BMP2: variants seen among roughly 807,000 people sequenced by gnomAD.
BMP2 encodes the protein bone morphogenetic protein 2A.
BMP2 carries 2 observed loss-of-function variants against 28.8 expected under a neutral mutation model. The observed-to-expected ratio is 0.07, with a 90% confidence interval of 0.03 to 0.22. The LOEUF (loss-of-function observed/expected upper bound fraction) is 0.22. Among genes scored for constraint, BMP2 ranks in the 10% least tolerant of loss-of-function variants. BMP2 has a pLI of 1.00. For missense variants in BMP2, 437 were observed against 517.7 expected (o/e 0.84, Z 1.51); for synonymous variants, 218 against 204.3 (o/e 1.07, Z -0.57).
chr20:6,779,056 G>C lies in BMP2; in HGVS notation c.1158G>C (p.Gln386His), dbSNP rs1025763206. The part of the protein sequence containing the change: ...ENEKVVLKNY[Q>H]DMVVEGCGCR ...AAAAGGTTGTATTAAAGAACTATCA[G>C]GACATGGTTGTGGAGGGTTGTGGGT... The change falls in exon 3 of 3, where the codon CAG becomes CAC. Residue 386 changes from glutamine (Q) to histidine (H), a missense_variant. Around this residue, in one of 2 missense-constraint regions of BMP2, gnomAD observed 74 missense variants for 124.9 expected, o/e 0.59. Transcript: ENST00000378827. The C allele has an allele frequency of 6.2e-7, 1 of 1,611,314 alleles. No individual in the cohort carries two copies.
chr20:6,777,331 C>T (rs1202515645), intron 2 of BMP2, among the ~76,000 whole-genome samples: 1 of 152,050 alleles, frequency 6.6e-6, no homozygotes, highest in Non-Finnish European at 1.5e-5. Flanking sequence ...AGATCATAAT[C>T]ATATTTTTGT....
In BMP2 at chr20:6,779,654, C is replaced by G. The variant is rs1348837889; in HGVS notation, c.*565C>G. Reference sequence around the variant, plus strand: ...GTGGATAATCCACTCTGCTGACTTTCAAGATTATTATATTATTCAATTCTC... The same window carrying G: ...GTGGATAATCCACTCTGCTGACTTTGAAGATTATTATATTATTCAATTCTC... On this transcript the variant is annotated 3_prime_UTR_variant, in exon 3 of 3. Transcript: ENST00000378827. The G allele has an allele frequency of 2.0e-5, 3 of 152,582 alleles. No individual in the cohort carries two copies. Among genetic ancestry groups the G allele is most frequent in the African/African-American group, 7.2e-5 (3 of 41,430 alleles). 9.5% of individuals were successfully genotyped at this position (152,582 alleles called of 1,614,324 possible). A position where few individuals can be genotyped will look rare whatever the true frequency, so the allele number is the denominator to read the frequency against.
intron 2 of BMP2, among the ~76,000 whole-genome samples, chr20:6,776,928 C>T (rs1008172729): frequency 6.6e-6 from 1 of 152,246 alleles, no homozygotes; most frequent in Non-Finnish European, 1.5e-5. Context: ...AACATAGTCT[C>T]TTCTTATGAT....
chr20:6,774,512 T>G (rs1463637799), intron 2 of BMP2, among the ~76,000 whole-genome samples: 1 of 151,988 alleles, frequency 6.6e-6, no homozygotes, highest in Non-Finnish European at 1.5e-5. Flanking sequence ...GGCAACAGAG[T>G]GAGACCCTGT....
intron 1 of BMP2, among the ~76,000 whole-genome samples, chr20:6,769,612 G>GGGGT (rs367780897): frequency 1.4e-4 from 19 of 139,998 alleles, no homozygotes; most frequent in South Asian, 4.7e-4. Context: ...AAGCTATAAG[G>GGGGT]GTGTGTGTGT....
In BMP2 at chr20:6,778,770, G is replaced by A. The variant is rs765038230; in HGVS notation, c.872G>A (p.Arg291His). ...KRQAKHKQRKRLKSSCKRHPL... is the reference protein window; with the variant it reads ...KRQAKHKQRKHLKSSCKRHPL... ...CAAGCCAAACACAAACAGCGGAAAC[G>A]CCTTAAGTCCAGCTGTAAGAGACAC... The change falls in exon 3 of 3, where the codon CGC becomes CAC. Residue 291 changes from arginine (R) to histidine (H), a missense_variant. Physicochemically the swap from Arg to His is conservative, Grantham distance 29. This residue lies in a region of BMP2 where 363 missense variants were observed against 392.8 expected (regional missense o/e 0.92). Coordinates refer to ENST00000378827, the MANE Select transcript of BMP2 (RefSeq NM_001200.4). The surrounding 1 kb of genome is among the most constrained non-coding windows in gnomAD (Gnocchi z 5.0). 26 of 1,614,060 alleles carry A rather than the reference G, an allele frequency of 1.6e-5. No homozygotes were observed. The highest frequency in any genetic ancestry group is 2.0e-5 in the Non-Finnish European group (24 of 1,180,026).
intron 2 of BMP2, among the ~76,000 whole-genome samples, chr20:6,774,718 A>C (rs1357323465): frequency 6.6e-6 from 1 of 152,174 alleles, no homozygotes; most frequent in East Asian, 1.9e-4. Context: ...GTTGTGAGAT[A>C]ATTCATATAA....
chr20:6,776,422 C>G (rs528255396), intron 2 of BMP2, among the ~76,000 whole-genome samples: 1 of 152,270 alleles, frequency 6.6e-6, no homozygotes, highest in African/African-American at 2.4e-5. Flanking sequence ...AACTCTTACT[C>G]CTTTGCCACC....
At position 6,778,822 on chromosome 20, in the gene BMP2, G is replaced by T. The variant is rs367930980; in HGVS notation, c.924G>T (p.Val308=). Residue 308 remains valine, a synonymous_variant, in exon 3 of 3, where the codon GTG becomes GTT. Transcript: ENST00000378827. This position sits in a 1 kb window ranked among gnomAD's most constrained non-coding sequence, Gnocchi z 5.0. ...CTTTGTACGTGGACTTCAGTGACGT[G>T]GGGTGGAATGACTGGATTGTGGCTC... The part of the protein sequence containing the change: ...RHPLYVDFSD[V]GWNDWIVAPP... 6.2e-7 allele frequency: 1 copy of T among 1,614,008 alleles called. No individual in the cohort carries two copies. The highest frequency in any genetic ancestry group is 1.7e-5 in the Admixed American group (1 of 60,000).
Position 6,778,664 on chromosome 20 carries a change from A to G in BMP2, c.766A>G (p.Ser256Gly), listed in dbSNP as rs1204582570. The G allele has an allele frequency of 1.2e-6, 2 of 1,614,192 alleles. No individual in the cohort carries two copies. Among genetic ancestry groups the G allele is most frequent in the Non-Finnish European group, 1.7e-6 (2 of 1,180,018 alleles). The change falls in exon 3 of 3, where the codon AGC (serine) becomes GGC (glycine). Residue 256 changes from serine (S) to glycine (G), a missense_variant. Coordinates refer to ENST00000378827, the MANE Select transcript of BMP2 (RefSeq NM_001200.4). This position sits in a 1 kb window ranked among gnomAD's most constrained non-coding sequence, Gnocchi z 5.0. ...ISRSLHQDEHSWSQIRPLLVT... is the reference protein window; with the variant it reads ...ISRSLHQDEHGWSQIRPLLVT... ...CAGGTCTTTGCACCAAGATGAACACAGCTGGTCACAGATAAGGCCATTGCT... is the reference window on the plus strand; with the variant it reads ...CAGGTCTTTGCACCAAGATGAACACGGCTGGTCACAGATAAGGCCATTGCT...
At position 6,779,878 on chromosome 20, in the gene BMP2, G is replaced by C. The variant is rs767160038; in HGVS notation, c.*789G>C. On this transcript the variant is annotated 3_prime_UTR_variant, in exon 3 of 3. Transcript: ENST00000378827. ...GCAGGAAAGTGAATGATGGTTTGTT[G>C]TTCTTCTTTCCTAAATTAGTGATCC... The C allele has an allele frequency of 1.3e-5, 2 of 152,270 alleles. No individual in the cohort carries two copies. Among genetic ancestry groups the C allele is most frequent in the African/African-American group, 2.4e-5 (1 of 41,448 alleles). The allele number at this position is 152,270 out of a possible 1,614,324, so 9.4% of individuals were successfully genotyped here.
At chr20:6,769,918 A>G (rs1200115514) in intron 1 of BMP2, among the ~76,000 whole-genome samples, 2 of 152,128 alleles carry the variant, frequency 1.3e-5, no homozygotes, top group African/African-American at 2.4e-5. Context: ...GGAGCGATAA[A>G]TCATCTGGTT....
chr20:6,768,817 A>G lies in BMP2; in HGVS notation c.-66A>G, dbSNP rs927750087. On this transcript the variant is annotated 5_prime_UTR_variant, in exon 1 of 3. Transcript: ENST00000378827. ...CTTTGACCAGAGTTTTTCCATGTGGACGCTCTTTCAATGGACGTGTCCCCG... is the reference window on the plus strand; with the variant it reads ...CTTTGACCAGAGTTTTTCCATGTGGGCGCTCTTTCAATGGACGTGTCCCCG... 1 of 394,248 alleles carries G rather than the reference A, an allele frequency of 2.5e-6. No homozygotes were observed. Among genetic ancestry groups the G allele is most frequent in the East Asian group, 3.6e-5 (1 of 27,694 alleles). 24.4% of individuals were successfully genotyped at this position (394,248 alleles called of 1,614,324 possible).
intron 1 of BMP2, among the ~76,000 whole-genome samples, chr20:6,769,844 G>T (rs73895172): frequency 6.6e-6 from 1 of 152,052 alleles, no homozygotes; most frequent in Non-Finnish European, 1.5e-5. Context: ...AGTCATTGGC[G>T]CTGGTTTGGT....
chr20:6,775,154 C>T (rs1304474097), intron 2 of BMP2, among the ~76,000 whole-genome samples: 5 of 152,152 alleles, frequency 3.3e-5, no homozygotes, highest in Non-Finnish European at 7.4e-5. Context: ...AAAAAGCATA[C>T]ATTACTTGAG....
Position 6,778,570 on chromosome 20 carries a change from T to C in BMP2, c.672T>C (p.His224=), listed in dbSNP as rs1197565431. 2.5e-6 allele frequency: 4 copies of C among 1,613,952 alleles called. No individual in the cohort carries two copies. The highest frequency in any genetic ancestry group is 2.7e-5 in the African/African-American group (2 of 74,886). ...MRWTAQGHAN[H]GFVVEVAHLE... ...GGACTGCACAGGGACACGCCAACCA[T>C]GGATTCGTGGTGGAAGTGGCCCACT... The change falls in exon 3 of 3, where the codon CAT becomes CAC. Residue 224 remains histidine, a synonymous_variant. Coordinates refer to ENST00000378827, the MANE Select transcript of BMP2 (RefSeq NM_001200.4). This position sits in a 1 kb window ranked among gnomAD's most constrained non-coding sequence, Gnocchi z 5.0.
Position 6,775,088 on chromosome 20 carries a change from T to G in BMP2, c.347-3157T>G, listed in dbSNP as rs559895488. Among the ~76,000 whole-genome samples, 4 of 152,290 alleles carry G rather than the reference T, an allele frequency of 2.6e-5. No individual in the cohort carries two copies. The East Asian group carries it at 7.7e-4, about 29-fold the overall frequency. ...CGAAATCCTCAAATCCCTTAAGAAC[T>G]TCAGCTTATTCAGGAAGGGATATTT... On this transcript the variant is annotated intron_variant, in intron 2 of 2. Coordinates refer to ENST00000378827, the MANE Select transcript of BMP2 (RefSeq NM_001200.4).
chr20:6,770,498 G>T, intron 2 of BMP2, 26 bp downstream of exon 2: 1 of 1,551,868 alleles, frequency 6.4e-7, no homozygotes, highest in Non-Finnish European at 8.7e-7. Context: ...GGGCGTGGGG[G>T]CGGGGAGTCA....
In BMP2 at chr20:6,778,377, C is replaced by A. The variant is rs1435548167; in HGVS notation, c.479C>A (p.Ala160Asp). ...LQVFREQMQD[A>D]LGNNSSFHHR... ...GTTTTCCGAGAACAGATGCAAGATG[C>A]TTTAGGAAACAATAGCAGTTTCCAT... Residue 160 changes from alanine to aspartate, a missense_variant, in exon 3 of 3, where the codon GCT becomes GAT. Ala to Asp is a moderately radical substitution (Grantham distance 126). Coordinates refer to ENST00000378827, the MANE Select transcript of BMP2 (RefSeq NM_001200.4). This position sits in a 1 kb window ranked among gnomAD's most constrained non-coding sequence, Gnocchi z 5.0. 6.2e-7 allele frequency: 1 copy of A among 1,614,142 alleles called. No individual in the cohort carries two copies. The highest frequency in any genetic ancestry group is 1.7e-5 in the Admixed American group (1 of 60,028).
Sources: gnomAD v4.1 joint callset for allele counts (sites outside exome capture counted in the v4.1 genomes callset) on GRCh38, gnomAD v4.1.1 for gene constraint, gnomAD v4.1.1 regional missense constraint, Gnocchi (gnomAD v3.1) non-coding constraint, MANE v1.5 for transcripts, NCBI Gene and HGNC (gene_info 2026-07-23, HGNC 2026-07-21) for gene names.